Variants in BNIP3 observed in about 807,000 individuals in gnomAD.
BNIP3 encodes the protein BCL2/adenovirus E1B 19 kDa protein-interacting protein 3.
A neutral mutation model predicts 23.9 loss-of-function variants in BNIP3; 16 were observed. That is an observed-to-expected ratio of 0.67 (90% CI 0.45 to 1.01). The LOEUF (loss-of-function observed/expected upper bound fraction) is 1.01. Ranked by LOEUF, BNIP3 falls within the 50% of genes least tolerant of loss-of-function variation. BNIP3 has a pLI of 0.00. For synonymous variants in BNIP3, 81 were observed against 89.3 expected (o/e 0.91, Z 0.53); for missense variants, 198 against 248.7 (o/e 0.80, Z 1.37).
intron 1 of BNIP3, among the ~76,000 whole-genome samples, chr10:131,975,124 C>T (rs1287232134): frequency 6.6e-6 from 1 of 152,204 alleles, no homozygotes; most frequent in Non-Finnish European, 1.5e-5. Flanking sequence ...CACAGCTCTA[C>T]TGTTATGACA....
At chr10:131,973,966 C>G in intron 1 of BNIP3, 23 bp from the exon 2 acceptor site, 2 of 1,612,892 alleles carry the variant, frequency 1.2e-6, no homozygotes, top group Non-Finnish European at 1.7e-6. Flanking sequence ...AAAAAAGGGG[C>G]GCAGATGGAA....
Position 131,981,764 on chromosome 10 carries a change from G to A in BNIP3, c.43C>T (p.Gln15Ter). ...CGCGCCGCCTCCTCCGCCTCACCCTGCAGGCTCTCCTCCTGCATCCCGGGC... is the reference window on the plus strand; with the variant it reads ...CGCGCCGCCTCCTCCGCCTCACCCTACAGGCTCTCCTCCTGCATCCCGGGC... ...GAPGMQEESLQGSWVELHFSN... is the reference protein window; with the variant it reads ...GAPGMQEESL Residue 15 changes from glutamine (Q) to a stop codon, truncating the protein, a stop_gained, in exon 1 of 6, where the codon CAG becomes TAG. Transcript: ENST00000368636. LOFTEE classifies it high-confidence loss of function. The A allele has an allele frequency of 6.8e-7, 1 of 1,476,154 alleles. No individual in the cohort carries two copies. The highest frequency in any genetic ancestry group is 8.9e-7 in the Non-Finnish European group (1 of 1,118,588). 91.4% of individuals were successfully genotyped at this position (1,476,154 alleles called of 1,614,324 possible). A position where few individuals can be genotyped will look rare whatever the true frequency, so the allele number is the denominator to read the frequency against.
chr10:131,976,136 T>C lies in BNIP3; in HGVS notation c.47-2193A>G, dbSNP rs774464776. On this transcript the variant is annotated intron_variant, in intron 1 of 5. Transcript: ENST00000368636. This position sits in a 1 kb window ranked among gnomAD's most constrained non-coding sequence, Gnocchi z 4.3. The stretch of plus-strand genomic sequence containing the variant: ...AGAGAACGGCACCACAGCCTCTGTT[T>C]TGGCCAGCTGTCTTTCTCCGCTGAA... Among the ~76,000 whole-genome samples, 4 of 152,232 alleles carry C rather than the reference T, an allele frequency of 2.6e-5. No individual in the cohort carries two copies. The highest frequency in any genetic ancestry group is 4.4e-5 in the Non-Finnish European group (3 of 68,028).
chr10:131,979,986 C>A (rs2037106887), intron 1 of BNIP3, among the ~76,000 whole-genome samples: 1 of 151,684 alleles, frequency 6.6e-6, no homozygotes, highest in Non-Finnish European at 1.5e-5. Context: ...GACCGGCCAA[C>A]CCCGCCCACG....
chr10:131,980,267 C>G (rs1052471278), intron 1 of BNIP3: 1 of 152,170 alleles, frequency 6.6e-6, no homozygotes, highest in African/African-American at 2.4e-5. Flanking sequence ...CGCACAATGT[C>G]AGGAGTAACG....
chr10:131,969,880 GGTGA>G (rs2037009614), intron 5 of BNIP3: 1 of 152,372 alleles, frequency 6.6e-6, no homozygotes, highest in Non-Finnish European at 1.5e-5. Flanking sequence ...TTTTCTGCAG[GGTGA>G]GTGAGTATAA....
At chr10:131,968,688 A>G (rs1268870249) in intron 5 of BNIP3, 119 bp from the exon 6 acceptor site, 6 of 758,266 alleles carry the variant, frequency 7.9e-6, no homozygotes, top group Non-Finnish European at 1.3e-5. Flanking sequence ...GTGATTTTAT[A>G]CCCATTATAA....
Position 131,981,913 on chromosome 10 carries a change from G to C in BNIP3, c.-107C>G, listed in dbSNP as rs2037122958. On this transcript the variant is annotated 5_prime_UTR_variant, in exon 1 of 6. Transcript: ENST00000368636. The stretch of plus-strand genomic sequence containing the variant: ...GGTCGGAGCGCCGCGGCCCAGCTGC[G>C]CTCCCGGACTGAGCGGAGCCCCGCA... 4.7e-6 allele frequency: 6 copies of C among 1,280,296 alleles called. No homozygotes were observed. Among genetic ancestry groups the C allele is most frequent in the Non-Finnish European group, 5.0e-6 (5 of 995,590 alleles). 79.3% of individuals were successfully genotyped at this position (1,280,296 alleles called of 1,614,324 possible). A position where few individuals can be genotyped will look rare whatever the true frequency, so the allele number is the denominator to read the frequency against.
At chr10:131,978,229 AC>A (rs758554550) in intron 1 of BNIP3, among the ~76,000 whole-genome samples, 7 of 151,938 alleles carry the variant, frequency 4.6e-5, no homozygotes, top group Admixed American at 1.3e-4. Flanking sequence ...AGTAAATCTT[AC>A]CTCCCTCCTA....
chr10:131,969,628 T>A (rs2037005200), intron 5 of BNIP3: 1 of 152,324 alleles, frequency 6.6e-6, no homozygotes, highest in African/African-American at 2.4e-5. Flanking sequence ...CAACCCCAGA[T>A]GTGAGCCCTC....
intron 1 of BNIP3, among the ~76,000 whole-genome samples, chr10:131,979,170 T>C (rs954824613): frequency 2.6e-5 from 4 of 152,222 alleles, no homozygotes; most frequent in African/African-American, 7.2e-5. Context: ...TTAAGTGTTG[T>C]TGCCAGCCTT....
intron 1 of BNIP3, 102 bp downstream of exon 1, chr10:131,981,658 GC>G: frequency 7.8e-7 from 1 of 1,284,376 alleles, no homozygotes; most frequent in Non-Finnish European, 1.0e-6. Context: ...GGCCCGCGAT[GC>G]CCCCTAGGCC....
rs2037076002 is a variant in BNIP3 at position 131,976,043 on chromosome 10, T to G, written c.47-2100A>C. On this transcript the variant is annotated intron_variant, in intron 1 of 5. Coordinates refer to ENST00000368636, the MANE Select transcript of BNIP3 (RefSeq NM_004052.4). This position sits in a 1 kb window ranked among gnomAD's most constrained non-coding sequence, Gnocchi z 4.3. ...ACAGTATTGCCAAGTACTCTGATGT[T>G]CACTAGCCCTCCTTCCCTCTCTGCG... 6.6e-6 allele frequency among the ~76,000 whole-genome samples: 1 copy of G among 152,194 alleles called. No homozygotes were observed. Among genetic ancestry groups the G allele is most frequent in the Non-Finnish European group, 1.5e-5 (1 of 68,036 alleles).
rs1365013417 is a variant in BNIP3, at chr10:131,968,587, CAGTAGTTA to C, written c.540-26_540-19del. The C allele has an allele frequency of 1.3e-6, 2 of 1,581,378 alleles. No individual in the cohort carries two copies. The highest frequency in any genetic ancestry group is 1.7e-6 in the Non-Finnish European group (2 of 1,151,300). Reference sequence around the variant, plus strand: ...TATAGATCCTTCACAGAAAAATTATCAGTAGTTAATGTATCTTGTGATTCACAGGAGAC... The same window carrying C: ...TATAGATCCTTCACAGAAAAATTATCATGTATCTTGTGATTCACAGGAGAC... On this transcript the variant is annotated intron_variant, in intron 5 of 5. Coordinates refer to ENST00000368636, the MANE Select transcript of BNIP3 (RefSeq NM_004052.4).
At chr10:131,977,796 T>C (rs1475415624) in intron 1 of BNIP3, among the ~76,000 whole-genome samples, 1 of 152,114 alleles carries the variant, frequency 6.6e-6, no homozygotes, top group Non-Finnish European at 1.5e-5. Flanking sequence ...GAAAAAAAAC[T>C]CACTCCAGAT....
intron 1 of BNIP3, chr10:131,981,401 G>C (rs1382862458): frequency 2.9e-6 from 1 of 341,818 alleles, no homozygotes; most frequent in Non-Finnish European, 5.3e-6. Context: ...AGACCGCGGA[G>C]GGCAACGTGG....
At chr10:131,968,666 G>C (rs1489890693) in intron 5 of BNIP3, 97 bp from the exon 6 acceptor site, 1 of 1,050,590 alleles carries the variant, frequency 9.5e-7, no homozygotes, top group Non-Finnish European at 1.5e-6. Flanking sequence ...TAGAGCTTAT[G>C]CAAGGGGACT....
intron 1 of BNIP3, among the ~76,000 whole-genome samples, chr10:131,978,984 G>A (rs2037099021): frequency 6.6e-6 from 1 of 152,220 alleles, no homozygotes; most frequent in African/African-American, 2.4e-5. Flanking sequence ...AGTCAGCTGG[G>A]TAGGTAAATC....
At chr10:131,981,725 GC>G (rs1279773654) in intron 1 of BNIP3, 35 bp downstream of exon 1, 5 of 1,451,458 alleles carry the variant, frequency 3.4e-6, no homozygotes, top group Admixed American at 5.0e-5. Context: ...TCCCCCCCGC[GC>G]CCCCTCGGCT....
Sources: allele counts gnomAD v4.1 joint callset (sites outside exome capture counted in the v4.1 genomes callset), GRCh38; gene constraint gnomAD v4.1.1; non-coding constraint Gnocchi (gnomAD v3.1); transcripts MANE v1.5; gene names NCBI Gene and HGNC (gene_info 2026-07-23, HGNC 2026-07-21).